The following TOM1L2 variants were observed in gnomAD, a reference collection of about 807,000 sequenced individuals.
The protein encoded by TOM1L2 is target of myb1 like 2 membrane trafficking protein.
TOM1L2 carries 31 observed loss-of-function variants against 67.9 expected under a neutral mutation model. The ratio of observed to expected loss-of-function variants is 0.46; its 90% CI spans 0.34 to 0.62. TOM1L2 has a LOEUF of 0.62. Among genes scored for constraint, TOM1L2 ranks in the 20% least tolerant of loss-of-function variants. TOM1L2 has a pLI of 0.01. For synonymous variants in TOM1L2, 256 were observed against 254.0 expected (o/e 1.01, Z -0.07); for missense variants, 606 against 663.5 (o/e 0.91, Z 0.95).
At chr17:17,879,824 T>C in intron 6 of TOM1L2, 81 bp from the exon 7 acceptor site, 1 of 1,195,026 alleles carries the variant, frequency 8.4e-7, no homozygotes, top group Non-Finnish European at 1.2e-6. Flanking sequence ...AGCTTGCTCC[T>C]AGTCTAGTGA....
Position 17,877,921 on chromosome 17 carries a change from G to A in TOM1L2, c.777+1706C>T, listed in dbSNP as rs377411467. Among the ~76,000 whole-genome samples the A allele has an allele frequency of 6.0e-5, 9 of 150,618 alleles. No homozygotes were observed. The East Asian group carries it at 9.7e-4, about 16-fold the overall frequency. The stretch of plus-strand genomic sequence containing the variant: ...CAAACCCCCTCTCCCCCCAAAACAC[G>A]AAGTATTCCTGCTGTCTGGGTCTGC... On this transcript the variant is annotated intron_variant, in intron 7 of 14. Coordinates refer to ENST00000379504, the MANE Select transcript of TOM1L2 (RefSeq NM_001082968.2).
intron 5 of TOM1L2, among the ~76,000 whole-genome samples, chr17:17,883,130 G>GA (rs1491264960): frequency 6.6e-6 from 1 of 152,182 alleles, no homozygotes; most frequent in Admixed American, 6.5e-5. Flanking sequence ...AGGCAGCACC[G>GA]AGAGTGCTCT....
At chr17:17,861,881 G>A in intron 11 of TOM1L2, 1 of 224,900 alleles carries the variant, frequency 4.4e-6, no homozygotes, top group Non-Finnish European at 8.7e-6. Flanking sequence ...CTCCTCAGAG[G>A]GAAGACTAGA....
intron 1 of TOM1L2, among the ~76,000 whole-genome samples, chr17:17,928,026 T>C (rs753042741): frequency 6.6e-6 from 1 of 152,210 alleles, no homozygotes; most frequent in Non-Finnish European, 1.5e-5. Flanking sequence ...TAATCCAGGA[T>C]AAAAGTGTGT....
At chr17:17,954,732 G>T (rs2041355936) in intron 1 of TOM1L2, among the ~76,000 whole-genome samples, 2 of 152,218 alleles carry the variant, frequency 1.3e-5, no homozygotes, top group South Asian at 4.1e-4. Context: ...GAGGAGACCA[G>T]CTAGGTGGTA....
chr17:17,866,153 C>A, intron 10 of TOM1L2, 143 bp downstream of exon 10: 1 of 1,008,610 alleles, frequency 9.9e-7, no homozygotes, highest in African/African-American at 1.7e-5. Context: ...GGTGGTACAA[C>A]TGGCTAGGAC....
intron 6 of TOM1L2, 37 bp downstream of exon 6, chr17:17,882,668 C>T: frequency 1.2e-6 from 2 of 1,604,970 alleles, no homozygotes; most frequent in Middle Eastern, 1.7e-4. Context: ...AAAGGATAGT[C>T]AGCTGGCTTG....
At chr17:17,946,777 C>T (rs959283175) in intron 1 of TOM1L2, among the ~76,000 whole-genome samples, 6 of 152,018 alleles carry the variant, frequency 3.9e-5, no homozygotes, top group Middle Eastern at 3.4e-3. Flanking sequence ...CAGGCTGGAG[C>T]GCAATGGCAC....
intron 7 of TOM1L2, among the ~76,000 whole-genome samples, chr17:17,879,194 C>T (rs2037585139): frequency 6.6e-6 from 1 of 152,174 alleles, no homozygotes. Context: ...AACAGGCCCT[C>T]CTGCAAAATG....
chr17:17,870,948 GCTT>G (rs1299586476), intron 7 of TOM1L2, among the ~76,000 whole-genome samples: 8 of 152,340 alleles, frequency 5.3e-5, no homozygotes, highest in Admixed American at 1.3e-4. Context: ...CAGGGGCTGG[GCTT>G]CTTATCTGCC....
intron 1 of TOM1L2, among the ~76,000 whole-genome samples, chr17:17,945,290 A>ACTCTCT (rs945614441): frequency 6.8e-6 from 1 of 146,396 alleles, no homozygotes; most frequent in African/African-American, 2.6e-5. Flanking sequence ...ACACACACAC[A>ACTCTCT]CTCTCTCTCT....
intron 1 of TOM1L2, among the ~76,000 whole-genome samples, chr17:17,930,920 T>C (rs373072319): frequency 6.6e-5 from 10 of 151,958 alleles, no homozygotes; most frequent in Admixed American, 3.9e-4. Flanking sequence ...AGGATGGGGA[T>C]TTTTTTTCCC....
At position 17,845,575 on chromosome 17, in the gene TOM1L2, G is replaced by C. The variant is rs1240782588; in HGVS notation, c.*2060C>G. On this transcript the variant is annotated 3_prime_UTR_variant, in exon 15 of 15. Coordinates refer to ENST00000379504, the MANE Select transcript of TOM1L2 (RefSeq NM_001082968.2). Reference sequence around the variant, plus strand: ...GTCTGGGATGCAGTGCTGAGGCTGCGGAGCACTGACTGCCCGAGGTCGGAC... The same window carrying C: ...GTCTGGGATGCAGTGCTGAGGCTGCCGAGCACTGACTGCCCGAGGTCGGAC... 1.3e-5 allele frequency: 2 copies of C among 152,258 alleles called. No individual in the cohort carries two copies. The highest frequency in any genetic ancestry group is 4.8e-5 in the African/African-American group (2 of 41,446). The allele number at this position is 152,258 out of a possible 1,614,324, so 9.4% of individuals were successfully genotyped here.
At position 17,894,558 on chromosome 17, in the gene TOM1L2, G is replaced by T. The variant is rs181043608; in HGVS notation, c.217-748C>A. On this transcript the variant is annotated intron_variant, in intron 3 of 14. Transcript: ENST00000379504. ...TGAATGGCCCAGGACAGATCTTTCT[G>T]AGCCTCAGCATCCTCATCTGTAAAG... is the stretch of plus-strand genomic sequence containing the variant. Among the ~76,000 whole-genome samples, 9 of 152,338 alleles carry T rather than the reference G, an allele frequency of 5.9e-5. No individual in the cohort carries two copies. The East Asian group carries it at 1.7e-3, about 29-fold the overall frequency.
At chr17:17,932,304 A>G (rs756213349) in intron 1 of TOM1L2, among the ~76,000 whole-genome samples, 1 of 152,052 alleles carries the variant, frequency 6.6e-6, no homozygotes, top group Admixed American at 6.6e-5. Context: ...TTTTATTTTT[A>G]TTTTTTGTAG....
intron 1 of TOM1L2, among the ~76,000 whole-genome samples, chr17:17,913,181 CAGAGGG>C (rs748163921): frequency 9.7e-6 from 1 of 103,090 alleles, no homozygotes; most frequent in Non-Finnish European, 2.2e-5. Flanking sequence ...ACCGTGGAAA[CAGAGGG>C]AGAGGGAGAC....
chr17:17,936,486 G>C (rs1297575455), intron 1 of TOM1L2, among the ~76,000 whole-genome samples: 1 of 151,976 alleles, frequency 6.6e-6, no homozygotes, highest in Non-Finnish European at 1.5e-5. Flanking sequence ...TCTATTTAAA[G>C]GAATTTATTA....
chr17:17,881,455 C>A (rs1358722112), intron 6 of TOM1L2, among the ~76,000 whole-genome samples: 1 of 152,218 alleles, frequency 6.6e-6, no homozygotes, highest in Non-Finnish European at 1.5e-5. Context: ...AAGCACCTCC[C>A]ACACTTTGAG....
intron 1 of TOM1L2, among the ~76,000 whole-genome samples, chr17:17,962,033 C>T (rs1247972218): frequency 6.6e-6 from 1 of 152,150 alleles, no homozygotes; most frequent in East Asian, 1.9e-4. Context: ...GAATATTATA[C>T]AGCCTTAACA....
Sources: gnomAD v4.1 joint callset for allele counts (sites outside exome capture counted in the v4.1 genomes callset) on GRCh38, gnomAD v4.1.1 for gene constraint, MANE v1.5 for transcripts, NCBI Gene and HGNC (gene_info 2026-07-23, HGNC 2026-07-21) for gene names.